Variants in FKBP5 observed in about 807,000 individuals in gnomAD.
The protein encoded by FKBP5 is peptidyl-prolyl cis-trans isomerase FKBP5.
FKBP5 carries 23 observed loss-of-function variants against 50.5 expected under a neutral mutation model. The ratio of observed to expected loss-of-function variants is 0.46; its 90% CI spans 0.33 to 0.65. The LOEUF is 0.65. FKBP5 is among the 30% of genes least tolerant of loss of function. The pLI is 0.02. For synonymous variants in FKBP5, 176 were observed against 190.6 expected (o/e 0.92, Z 0.63); for missense variants, 411 against 553.1 (o/e 0.74, Z 2.58).
chr6:35,586,928 T>C (rs755728554), intron 8 of FKBP5, 106 bp downstream of exon 8: 1 of 1,571,532 alleles, frequency 6.4e-7, no homozygotes, highest in Non-Finnish European at 8.7e-7. Context: ...CAGCTTATTC[T>C]TACCAAGCAG....
intron 2 of FKBP5, among the ~76,000 whole-genome samples, chr6:35,707,456 G>A (rs951529300): frequency 6.6e-6 from 1 of 151,688 alleles, no homozygotes; most frequent in Non-Finnish European, 1.5e-5. Flanking sequence ...CCTGACCTCA[G>A]GTAATCCGCC....
At chr6:35,666,814 G>A (rs115904407) in intron 1 of FKBP5, among the ~76,000 whole-genome samples, 1 of 152,000 alleles carries the variant, frequency 6.6e-6, no homozygotes, top group African/African-American at 2.4e-5. Flanking sequence ...CCTTGAACTC[G>A]GGAGGTTGCA....
chr6:35,679,068 T>C (rs1765598054), intron 1 of FKBP5, among the ~76,000 whole-genome samples: 1 of 152,150 alleles, frequency 6.6e-6, no homozygotes, highest in Non-Finnish European at 1.5e-5. Flanking sequence ...GAGCAACAAG[T>C]AGGACCCTGT....
intron 1 of FKBP5, among the ~76,000 whole-genome samples, chr6:35,656,989 A>G (rs1764972519): frequency 6.6e-6 from 1 of 151,638 alleles, no homozygotes; most frequent in Non-Finnish European, 1.5e-5. Flanking sequence ...AGGTGGGTGG[A>G]TCACAAGGTC....
upstream of FKBP5, among the ~76,000 whole-genome samples, chr6:35,691,205 C>T (rs1765981677): frequency 6.6e-6 from 1 of 151,918 alleles, no homozygotes; most frequent in Non-Finnish European, 1.5e-5. Flanking sequence ...ATGGAAGGCG[C>T]CAAGGAAAGA....
At chr6:35,590,312 A>G (rs377203247) in intron 7 of FKBP5, among the ~76,000 whole-genome samples, 124 of 152,148 alleles carry the variant, frequency 8.1e-4, no homozygotes, top group African/African-American at 2.7e-3. Flanking sequence ...AAAAAAAAAA[A>G]GTTGAATGTA....
At chr6:35,609,250 C>G (rs1004209332) in intron 5 of FKBP5, among the ~76,000 whole-genome samples, 4 of 151,840 alleles carry the variant, frequency 2.6e-5, no homozygotes, top group Non-Finnish European at 5.9e-5. Context: ...TTTGGTACAT[C>G]CCACAGTATT....
chr6:35,657,145 G>A (rs968356961), intron 1 of FKBP5, among the ~76,000 whole-genome samples: 1 of 152,068 alleles, frequency 6.6e-6, no homozygotes, highest in African/African-American at 2.4e-5. Context: ...AACCCGGGAG[G>A]CGGAGCTTGC....
At chr6:35,614,960 T>C (rs979900559) in intron 5 of FKBP5, among the ~76,000 whole-genome samples, 2 of 151,912 alleles carry the variant, frequency 1.3e-5, no homozygotes, top group East Asian at 3.9e-4. Context: ...CCATCTCTAC[T>C]GAAAATACAA....
intron 4 of FKBP5, 151 bp downstream of exon 4, chr6:35,619,981 G>T: frequency 1.1e-6 from 1 of 946,836 alleles, no homozygotes; most frequent in Non-Finnish European, 1.6e-6. Flanking sequence ...TTGGGTTTGT[G>T]GGAAACAATT....
chr6:35,584,252 T>G, intron 8 of FKBP5: 1 of 985,464 alleles, frequency 1.0e-6, no homozygotes, highest in Non-Finnish European at 1.2e-6. Context: ...CTCTTTAGTA[T>G]TCAGAGGTTG....
In FKBP5 at chr6:35,617,637, C is replaced by A. The variant is rs1381203066; in HGVS notation, c.508+1459G>T. 2.0e-5 allele frequency among the ~76,000 whole-genome samples: 3 copies of A among 152,224 alleles called. No homozygotes were observed. In the East Asian group the frequency reaches 5.8e-4, roughly 29 times the overall value. On this transcript the variant is annotated intron_variant, in intron 5 of 10. Transcript: ENST00000357266. ...TTGAAGGATTTCAGCTCACTAATGA[C>A]ACTTCTCAAGCACTTATCCATGCAG...
At chr6:35,727,973 T>G (rs1328505179) in intron 1 of FKBP5, among the ~76,000 whole-genome samples, 3 of 151,864 alleles carry the variant, frequency 2.0e-5, no homozygotes, top group African/African-American at 7.3e-5. Context: ...GCCCCGGAGG[T>G]TGCTCGCCAA....
intron 1 of FKBP5, among the ~76,000 whole-genome samples, chr6:35,665,621 A>G (rs1426318419): frequency 6.6e-5 from 10 of 152,172 alleles, no homozygotes; most frequent in Non-Finnish European, 1.3e-4. Context: ...CTAAAAAGAT[A>G]AAAACCTAGA....
chr6:35,713,652 C>A (rs1213020826), intron 2 of FKBP5, among the ~76,000 whole-genome samples: 2 of 152,204 alleles, frequency 1.3e-5, no homozygotes, highest in Non-Finnish European at 2.9e-5. Context: ...ACGCTCCTGC[C>A]CTGGGGATTC....
intron 1 of FKBP5, among the ~76,000 whole-genome samples, chr6:35,649,977 T>C (rs1323724567): frequency 6.6e-6 from 1 of 152,172 alleles, no homozygotes; most frequent in Non-Finnish European, 1.5e-5. Flanking sequence ...ATGAGATAAA[T>C]CTATACAGTA....
intron 3 of FKBP5, among the ~76,000 whole-genome samples, chr6:35,630,744 C>G (rs1489032068): frequency 6.6e-6 from 1 of 152,144 alleles, no homozygotes; most frequent in South Asian, 2.1e-4. Flanking sequence ...TTCTCTGTAC[C>G]TTAGTCTGTA....
chr6:35,694,838 C>T (rs937926082), intron 2 of FKBP5, among the ~76,000 whole-genome samples: 5 of 152,082 alleles, frequency 3.3e-5, no homozygotes, highest in Non-Finnish European at 4.4e-5. Flanking sequence ...TGGCTTAAAA[C>T]GATGTCCAGC....
chr6:35,686,590 C>A (rs1581884647), intron 1 of FKBP5, among the ~76,000 whole-genome samples: 1 of 152,164 alleles, frequency 6.6e-6, no homozygotes, highest in South Asian at 2.1e-4. Flanking sequence ...GCCCTCCGAA[C>A]GTGAGGATGA....
Sources: allele counts gnomAD v4.1 joint callset (sites outside exome capture counted in the v4.1 genomes callset), GRCh38; gene constraint gnomAD v4.1.1; transcripts MANE v1.5; gene names NCBI Gene and HGNC (gene_info 2026-07-23, HGNC 2026-07-21).